LILRA2: variants seen among roughly 807,000 people sequenced by gnomAD.
The protein encoded by LILRA2 is leukocyte immunoglobulin-like receptor subfamily A member 2.
Under a neutral mutation model 47.9 loss-of-function variants are expected in LILRA2, and 45 were observed. The ratio of observed to expected loss-of-function variants is 0.94; its 90% CI spans 0.74 to 1.20. The LOEUF is 1.20. Ranked by LOEUF, LILRA2 falls within the 50% of genes most tolerant of loss-of-function variation. The pLI is 0.00. For synonymous variants in LILRA2, 279 were observed against 249.2 expected (o/e 1.12, Z -1.13); for missense variants, 651 against 598.2 (o/e 1.09, Z -0.92).
chr19:54,573,969 C>G lies in LILRA2; in HGVS notation c.34+57C>G, dbSNP rs141306654. 1.1e-4 allele frequency: 172 copies of G among 1,613,256 alleles called. No individual in the cohort carries two copies. In the African/African-American group the frequency reaches 1.9e-3, roughly 18 times the overall value. ...CCTAGGAGGGACCTCACCCCACAGC[C>G]AAACTCTGGTCCCTAAGGAGACCCC... On this transcript the variant is annotated intron_variant, in intron 1 of 7. Coordinates refer to ENST00000391738, the MANE Select transcript of LILRA2 (RefSeq NM_001130917.3).
chr19:54,576,103 G>C lies in LILRA2; in HGVS notation c.1249G>C (p.Val417Leu). The C allele has an allele frequency of 2.5e-6, 4 of 1,614,194 alleles. No homozygotes were observed. Among genetic ancestry groups the C allele is most frequent in the Non-Finnish European group, 3.4e-6 (4 of 1,180,004 alleles). The change falls in exon 6 of 8, where the codon GTC becomes CTC. Residue 417 changes from valine to leucine, a missense_variant. By Grantham distance (32) the Val-to-Leu change is conservative. Coordinates refer to ENST00000391738, the MANE Select transcript of LILRA2 (RefSeq NM_001130917.3). ...CCCCAGTGACCCCCTGGAGCTCGTG[G>C]TCTCAGGTGAGGGCCCTGATCTTGT... ...SLPSDPLELV[V>L]SEAAETLSPS...
At position 54,587,448 on chromosome 19, in the gene LILRA2, G is replaced by A. The variant is rs973971276; in HGVS notation, c.*102G>A. On this transcript the variant is annotated 3_prime_UTR_variant, in exon 8 of 8. Transcript: ENST00000391738. ...GGACAATCTAGGACCTACATTATCT[G>A]GACTGTATGCTGGTCATTTCTAGAG... 17 of 1,531,508 alleles carry A rather than the reference G, an allele frequency of 1.1e-5. No individual in the cohort carries two copies. The highest frequency in any genetic ancestry group is 1.5e-5 in the Non-Finnish European group (17 of 1,131,084). The allele number at this position is 1,531,508 out of a possible 1,614,324, so 94.9% of individuals were successfully genotyped here. A position where few individuals can be genotyped will look rare whatever the true frequency, so the allele number is the denominator to read the frequency against.
chr19:54,575,729 G>C (rs1050566935), intron 5 of LILRA2, 78 bp from the exon 6 acceptor site: 9 of 1,597,250 alleles, frequency 5.6e-6, no homozygotes, highest in African/African-American at 4.1e-5. Context: ...AGAGACTAAG[G>C]GTCCCAGGGA....
At chr19:54,577,598 A>T in intron 6 of LILRA2, 1 of 1,289,664 alleles carries the variant, frequency 7.8e-7, no homozygotes, top group Non-Finnish European at 1.0e-6. Context: ...GTGCTCCTTT[A>T]GAGAGAAGCA....
At position 54,590,222 on chromosome 19, in the gene LILRA2, C is replaced by A. The variant is rs1271462534; in HGVS notation, c.*2876C>A. ...TCTTTGTGTGCATTAATTATCTTTTCTATTTTTTTCATTTCTAGTTTTTCT... is the reference window on the plus strand; with the variant it reads ...TCTTTGTGTGCATTAATTATCTTTTATATTTTTTTCATTTCTAGTTTTTCT... On this transcript the variant is annotated 3_prime_UTR_variant, in exon 8 of 8. Coordinates refer to ENST00000391738, the MANE Select transcript of LILRA2 (RefSeq NM_001130917.3). 6.6e-6 allele frequency: 1 copy of A among 152,000 alleles called. No homozygotes were observed. Among genetic ancestry groups the A allele is most frequent in the African/African-American group, 2.4e-5 (1 of 41,364 alleles). 9.4% of individuals were successfully genotyped at this position (152,000 alleles called of 1,614,324 possible).
rs1005002400 is a variant in LILRA2, at chr19:54,587,702, A to G, written c.*356A>G. 7.1e-6 allele frequency: 2 copies of G among 280,554 alleles called. No individual in the cohort carries two copies. Among genetic ancestry groups the G allele is most frequent in the Non-Finnish European group, 1.4e-5 (2 of 146,172 alleles). The allele number at this position is 280,554 out of a possible 1,614,324, so 17.4% of individuals were successfully genotyped here. A position where few individuals can be genotyped will look rare whatever the true frequency, so the allele number is the denominator to read the frequency against. ...TGTGACACAGTCTTCCTTATTCCTC[A>G]TTGTCACACTCCTTGATGTCACTTA... is the stretch of plus-strand genomic sequence containing the variant. On this transcript the variant is annotated 3_prime_UTR_variant, in exon 8 of 8. Coordinates refer to ENST00000391738, the MANE Select transcript of LILRA2 (RefSeq NM_001130917.3).
Position 54,575,482 on chromosome 19 carries a change from A to G in LILRA2, c.882A>G (p.Arg294=), listed in dbSNP as rs772189646. Residue 294 remains arginine, a synonymous_variant, in exon 5 of 8, where the codon AGA becomes AGG. Transcript: ENST00000391738. The stretch of plus-strand genomic sequence containing the variant: ...GCCCCTCCCACGGGGGCCAGTACAG[A>G]TGCTACAGTGCACACAACCTCTCCT... ...PVSPSHGGQY[R]CYSAHNLSSE... The G allele has an allele frequency of 1.7e-3, 2,734 of 1,611,960 alleles. 52 individuals are homozygous for G. In the African/African-American group the frequency reaches 0.028, roughly 17 times the overall value.
rs760167538 is a variant in LILRA2 at position 54,574,935 on chromosome 19, G to T, written c.557G>T (p.Ser186Ile). ...GCCATCTTCTCCGTGGGCCCCGTGAGCCCGAGTCGCAGGTGGTCGTACAGG... is the reference window on the plus strand; with the variant it reads ...GCCATCTTCTCCGTGGGCCCCGTGATCCCGAGTCGCAGGTGGTCGTACAGG... ...SWAIFSVGPV[S>I]PSRRWSYRCY... Residue 186 changes from serine (S) to isoleucine (I), a missense_variant, in exon 4 of 8, where the codon AGC (serine) becomes ATC (isoleucine). By Grantham distance (142) the Ser-to-Ile change is moderately radical (BLOSUM62 -2). Coordinates refer to ENST00000391738, the MANE Select transcript of LILRA2 (RefSeq NM_001130917.3). 13 of 1,614,290 alleles carry T rather than the reference G, an allele frequency of 8.1e-6. No homozygotes were observed. The highest frequency in any genetic ancestry group is 1.1e-5 in the Non-Finnish European group (13 of 1,180,046).
In LILRA2 at chr19:54,587,386, C is replaced by A. The variant is rs756854982; in HGVS notation, c.*40C>A. 3 of 1,613,348 alleles carry A rather than the reference C, an allele frequency of 1.9e-6. No homozygotes were observed. In the South Asian group the frequency reaches 3.3e-5, roughly 18 times the overall value. ...AATGCATCCTTCAGCGTGGTGGAGC[C>A]TCAGGGACAGATCTGATGATCCCAG... On this transcript the variant is annotated 3_prime_UTR_variant, in exon 8 of 8. Transcript: ENST00000391738.
Position 54,575,885 on chromosome 19 carries a change from G to T in LILRA2, c.1031G>T (p.Cys344Phe), listed in dbSNP as rs2062403911. 1.2e-6 allele frequency: 2 copies of T among 1,613,868 alleles called. No homozygotes were observed. Among genetic ancestry groups the T allele is most frequent in the Non-Finnish European group, 1.7e-6 (2 of 1,179,880 alleles). The change falls in exon 6 of 8, where the codon TGT becomes TTT. Residue 344 changes from cysteine to phenylalanine, a missense_variant. Cys to Phe is a radical substitution (Grantham distance 205). Transcript: ENST00000391738. ...CCAGGAAAGAACGTGACCCTGCTGT[G>T]TCAGTCACGGGGGCAGTTCCACACT... ...VAPGKNVTLL[C>F]QSRGQFHTFL...
In LILRA2 at chr19:54,587,230, A is replaced by G. The variant is rs777438880; in HGVS notation, c.1336A>G (p.Thr446Ala). 1 of 1,613,848 alleles carries G rather than the reference A, an allele frequency of 6.2e-7. No individual in the cohort carries two copies. Among genetic ancestry groups the G allele is most frequent in the East Asian group, 2.2e-5 (1 of 44,876 alleles). Residue 446 changes from threonine to alanine, a missense_variant, in exon 8 of 8, where the codon ACA (threonine) becomes GCA (alanine). Coordinates refer to ENST00000391738, the MANE Select transcript of LILRA2 (RefSeq NM_001130917.3). ...TSLGQHPQDYTVENLIRMGVA... is the reference protein window; with the variant it reads ...TSLGQHPQDYAVENLIRMGVA... Reference sequence around the variant, plus strand: ...CCTAGGCCAACACCCCCAGGATTACACAGTGGAGAATCTCATCCGCATGGG... The same window carrying G: ...CCTAGGCCAACACCCCCAGGATTACGCAGTGGAGAATCTCATCCGCATGGG...
rs1363989198 is a variant in LILRA2 at position 54,587,435 on chromosome 19, A to G, written c.*89A>G. 1.9e-6 allele frequency: 3 copies of G among 1,575,502 alleles called. No individual in the cohort carries two copies. Among genetic ancestry groups the G allele is most frequent in the Non-Finnish European group, 2.6e-6 (3 of 1,158,652 alleles). On this transcript the variant is annotated 3_prime_UTR_variant, in exon 8 of 8. Coordinates refer to ENST00000391738, the MANE Select transcript of LILRA2 (RefSeq NM_001130917.3). ...AGGAGGCTCTGGAGGACAATCTAGG[A>G]CCTACATTATCTGGACTGTATGCTG...
At chr19:54,587,149 G>T (rs2062835712) in intron 7 of LILRA2, 52 bp from the exon 8 acceptor site, 24 of 1,611,988 alleles carry the variant, frequency 1.5e-5, no homozygotes, top group Non-Finnish European at 2.0e-5. Flanking sequence ...GGACATACAG[G>T]AGTCCCGGGG....
At position 54,574,381 on chromosome 19, in the gene LILRA2, G is replaced by A. The variant is rs1290067922; in HGVS notation, c.151G>A (p.Gly51Arg). The change falls in exon 3 of 8, where the codon GGG (glycine) becomes AGG (arginine). Residue 51 changes from glycine to arginine, a missense_variant. Physicochemically the swap from Gly to Arg is moderately radical, Grantham distance 125. Coordinates refer to ENST00000391738, the MANE Select transcript of LILRA2 (RefSeq NM_001130917.3). ...QGSPVTLRCQ[G>R]SLQAEEYHLY... ...AAGTCCTGTGACCCTCAGGTGTCAGGGGAGCCTTCAGGCTGAGGAGTACCA... is the reference window on the plus strand; with the variant it reads ...AAGTCCTGTGACCCTCAGGTGTCAGAGGAGCCTTCAGGCTGAGGAGTACCA... The A allele has an allele frequency of 6.2e-6, 10 of 1,614,098 alleles. 1 individual carries two copies. In the East Asian group the frequency reaches 1.1e-4, roughly 18 times the overall value.
At chr19:54,586,126 A>C (rs2062798193) in intron 6 of LILRA2, among the ~76,000 whole-genome samples, 3 of 152,252 alleles carry the variant, frequency 2.0e-5, no homozygotes, top group African/African-American at 7.2e-5. Context: ...ATTAACGTGT[A>C]TATAACTACA....
intron 6 of LILRA2, among the ~76,000 whole-genome samples, chr19:54,576,924 G>T (rs2062470005): frequency 6.6e-6 from 1 of 152,292 alleles, no homozygotes; most frequent in South Asian, 2.1e-4. Context: ...GGAGCTGCCT[G>T]GATGTGACTG....
rs1568528761 is a variant in LILRA2, at chr19:54,587,433, G to A, written c.*87G>A. The A allele has an allele frequency of 4.4e-6, 7 of 1,579,710 alleles. No individual in the cohort carries two copies. The highest frequency in any genetic ancestry group is 1.8e-5 in the Admixed American group (1 of 55,852). On this transcript the variant is annotated 3_prime_UTR_variant, in exon 8 of 8. Coordinates refer to ENST00000391738, the MANE Select transcript of LILRA2 (RefSeq NM_001130917.3). ...CCAGGAGGCTCTGGAGGACAATCTA[G>A]GACCTACATTATCTGGACTGTATGC...
intron 6 of LILRA2, among the ~76,000 whole-genome samples, chr19:54,584,467 A>G (rs2062737772): frequency 6.6e-6 from 1 of 151,982 alleles, no homozygotes; most frequent in Non-Finnish European, 1.5e-5. Flanking sequence ...GGCTTTGTTC[A>G]TTTCTTTTCA....
chr19:54,575,208 G>T (rs1379293941), intron 4 of LILRA2, 48 bp from the exon 5 acceptor site: 3 of 1,568,836 alleles, frequency 1.9e-6, no homozygotes, highest in South Asian at 2.4e-5. Context: ...AGGGTTTGTG[G>T]GGAAGCCTGA....
Sources: gnomAD v4.1 joint callset for allele counts (sites outside exome capture counted in the v4.1 genomes callset) on GRCh38, gnomAD v4.1.1 for gene constraint, MANE v1.5 for transcripts, NCBI Gene and HGNC (gene_info 2026-07-23, HGNC 2026-07-21) for gene names.